Variants in HGSNAT observed in about 807,000 individuals in gnomAD.
HGSNAT encodes heparan-alpha-glucosaminide N-acetyltransferase.
A neutral mutation model predicts 85.2 loss-of-function variants in HGSNAT; 59 were observed. The ratio of observed to expected loss-of-function variants is 0.69; its 90% CI spans 0.56 to 0.86. The LOEUF (loss-of-function observed/expected upper bound fraction) is 0.86. Among genes scored for constraint, HGSNAT ranks in the 40% least tolerant of loss-of-function variants. The probability of loss-of-function intolerance (pLI) is 0.00; values close to 1 mark genes in which losing one functional copy is unlikely to be tolerated. For synonymous variants in HGSNAT, 321 were observed against 304.5 expected (o/e 1.05, Z -0.56); for missense variants, 756 against 777.1 (o/e 0.97, Z 0.32).
chr8:43,174,982 T>C (rs1233556060), intron 9 of HGSNAT, among the ~76,000 whole-genome samples: 1 of 152,226 alleles, frequency 6.6e-6, no homozygotes, highest in Non-Finnish European at 1.5e-5. Context: ...AATTTTTAGC[T>C]CCACAAATAA....
rs562600354 is a variant in HGSNAT, at chr8:43,180,710, C to T, written c.1013-1435C>T. On this transcript the variant is annotated intron_variant, in intron 10 of 17. Coordinates refer to ENST00000379644, the MANE Select transcript of HGSNAT (RefSeq NM_152419.3). ...AGACGGGGTGGCTGCTGGGCAGAGG[C>T]TGCAATCTCGGCTCTCCGGGAGGCC... 64 of 324,508 alleles carry T rather than the reference C, an allele frequency of 2.0e-4. 2 individuals are homozygous for T. The highest frequency in any genetic ancestry group is 1.5e-3 in the African/African-American group (63 of 42,054). The allele number at this position is 324,508 out of a possible 1,614,324, so 20.1% of individuals were successfully genotyped here.
chr8:43,141,225 C>G (rs1166511061), intron 1 of HGSNAT, among the ~76,000 whole-genome samples: 2 of 152,116 alleles, frequency 1.3e-5, no homozygotes, highest in Non-Finnish European at 2.9e-5. Flanking sequence ...GCCTGCAGCC[C>G]GGTCCCGGGC....
At position 43,178,084 on chromosome 8, in the gene HGSNAT, A is replaced by G; in HGVS notation, c.862A>G (p.Ile288Val). 1 of 1,612,972 alleles carries G rather than the reference A, an allele frequency of 6.2e-7. No homozygotes were observed. The highest frequency in any genetic ancestry group is 8.5e-7 in the Non-Finnish European group (1 of 1,179,464). ...ADLVFPWFVFIMGSSIFLSMT... is the reference protein window; with the variant it reads ...ADLVFPWFVFVMGSSIFLSMT... ...CTAGATTCTTTTTAGGTTTGTATTT[A>G]TTATGGGATCTTCCATTTTTCTATC... Residue 288 changes from isoleucine to valine, a missense_variant, in exon 10 of 18, where the codon ATT becomes GTT. Ile to Val is a conservative substitution (Grantham distance 29). Coordinates refer to ENST00000379644, the MANE Select transcript of HGSNAT (RefSeq NM_152419.3).
intron 13 of HGSNAT, among the ~76,000 whole-genome samples, chr8:43,192,851 G>A (rs775419194): frequency 1.3e-5 from 2 of 152,170 alleles, no homozygotes; most frequent in African/African-American, 4.8e-5. Context: ...GTCTCAGGTC[G>A]GATTTCCTGG....
intron 2 of HGSNAT, among the ~76,000 whole-genome samples, chr8:43,148,068 C>A (rs1802771999): frequency 6.6e-6 from 1 of 151,956 alleles, no homozygotes; most frequent in African/African-American, 2.4e-5. Context: ...CATGGAGAAA[C>A]CCTGTCTCTA....
At chr8:43,161,336 C>T (rs1803261429) in intron 4 of HGSNAT, 102 bp from the exon 5 acceptor site, 1 of 854,622 alleles carries the variant, frequency 1.2e-6, no homozygotes. Context: ...ATATAGGCTT[C>T]CCCTCACTGG....
At chr8:43,142,844 A>G (rs561204826) in intron 1 of HGSNAT, among the ~76,000 whole-genome samples, 90 of 152,242 alleles carry the variant, frequency 5.9e-4, no homozygotes, top group Non-Finnish European at 8.7e-4. Flanking sequence ...CGTGTGGATA[A>G]TCTAAGTATA....
intron 3 of HGSNAT, 23 bp downstream of exon 3, chr8:43,158,734 T>C (rs1203558348): frequency 3.2e-6 from 5 of 1,568,710 alleles, no homozygotes; most frequent in Non-Finnish European, 4.3e-6. Flanking sequence ...TTTGTTGTGA[T>C]CTAAGTGAAG....
chr8:43,170,396 C>CT lies in HGSNAT; in HGVS notation c.634-187dup, dbSNP rs199709511. 7.6e-3 allele frequency among the ~76,000 whole-genome samples: 1,157 copies of CT among 152,266 alleles called. 12 individuals are homozygous for CT. The highest frequency in any genetic ancestry group is 0.025 in the African/African-American group (1,055 of 41,560). ...GCAGGAGGCTGAGGCAGGAGAATCG[C>CT]TTGACCCCAGGAGGTGGAGGTTGCA... On this transcript the variant is annotated intron_variant, in intron 6 of 17. Transcript: ENST00000379644.
chr8:43,177,974 ATTATGG>A (rs1335809128), intron 9 of HGSNAT, 94 bp from the exon 10 acceptor site: 1 of 998,326 alleles, frequency 1.0e-6, no homozygotes, highest in Non-Finnish European at 1.6e-6. Context: ...CTTTAAACAA[ATTATGG>A]TTGCTTCTCT....
At chr8:43,193,111 T>C (rs142927405) in intron 13 of HGSNAT, among the ~76,000 whole-genome samples, 137 of 152,254 alleles carry the variant, frequency 9.0e-4, no homozygotes, top group African/African-American at 3.2e-3. Flanking sequence ...AGAAGGCTGA[T>C]CCCTGGAGAG....
In HGSNAT at chr8:43,192,394, G is replaced by A; in HGVS notation, c.1341G>A (p.Leu447=). ...GAAGYIDRLL[L]GDDHLYQHPS... ...CAGGCTACATCGACCGCCTGCTGCT[G>A]GGAGACGATCACCTTTACCAGCACC... The change falls in exon 13 of 18, where the codon CTG becomes CTA. Residue 447 remains leucine (L), a synonymous_variant. Coordinates refer to ENST00000379644, the MANE Select transcript of HGSNAT (RefSeq NM_152419.3). The A allele has an allele frequency of 1.9e-6, 3 of 1,613,406 alleles. No homozygotes were observed. Among genetic ancestry groups the A allele is most frequent in the Non-Finnish European group, 2.5e-6 (3 of 1,179,700 alleles).
chr8:43,189,395 G>A (rs1363103659), intron 11 of HGSNAT, among the ~76,000 whole-genome samples: 4 of 152,160 alleles, frequency 2.6e-5, no homozygotes, highest in Non-Finnish European at 5.9e-5. Context: ...TGCTGTGCTA[G>A]CAATGAGTAA....
At chr8:43,178,327 G>C in intron 10 of HGSNAT, 93 bp downstream of exon 10, 1 of 885,724 alleles carries the variant, frequency 1.1e-6, no homozygotes, top group Non-Finnish European at 1.7e-6. Context: ...TCCATCTCAG[G>C]TGCCTGCAAA....
chr8:43,142,531 C>T (rs934985417), intron 1 of HGSNAT, among the ~76,000 whole-genome samples: 1 of 152,140 alleles, frequency 6.6e-6, no homozygotes, highest in Admixed American at 6.5e-5. Flanking sequence ...GTGTCAAAAT[C>T]CGCTGGCGTT....
Position 43,199,524 on chromosome 8 carries a change from C to T in HGSNAT, c.1863C>T (p.Leu621=). The change falls in exon 18 of 18, where the codon CTC becomes CTT. Residue 621 remains leucine (L), a synonymous_variant. Coordinates refer to ENST00000379644, the MANE Select transcript of HGSNAT (RefSeq NM_152419.3). ...QNIVATALWV[L]IAYILYRKKI... ...TCGTCGCCACTGCCCTCTGGGTGCT[C>T]ATTGCCTACATCCTCTATAGAAAGA... The T allele has an allele frequency of 6.2e-7, 1 of 1,604,814 alleles. No individual in the cohort carries two copies. Among genetic ancestry groups the T allele is most frequent in the Admixed American group, 1.7e-5 (1 of 58,828 alleles).
At chr8:43,195,497 A>AGAG (rs201742479) in intron 14 of HGSNAT, among the ~76,000 whole-genome samples, 6 of 143,980 alleles carry the variant, frequency 4.2e-5, no homozygotes, top group South Asian at 2.4e-4. Context: ...AGGAGAAGGA[A>AGAG]GAGGAGGAGG....
chr8:43,149,283 C>G (rs1802816902), intron 2 of HGSNAT, among the ~76,000 whole-genome samples: 1 of 151,862 alleles, frequency 6.6e-6, no homozygotes, highest in Non-Finnish European at 1.5e-5. Context: ...TAGAAAATAT[C>G]CCATTATTGC....
chr8:43,168,072 C>T (rs1803489829), intron 5 of HGSNAT: 1 of 175,380 alleles, frequency 5.7e-6, no homozygotes, highest in Admixed American at 6.3e-5. Flanking sequence ...GTGCCCGCCA[C>T]CATGCCTGGC....
Sources: gnomAD v4.1 joint callset for allele counts (sites outside exome capture counted in the v4.1 genomes callset) on GRCh38, gnomAD v4.1.1 for gene constraint, MANE v1.5 for transcripts, NCBI Gene and HGNC (gene_info 2026-07-23, HGNC 2026-07-21) for gene names.